Variants in AFF3 observed in about 807,000 individuals in gnomAD.
AFF3 encodes the protein AF4/FMR2 family member 3.
Under a neutral mutation model 129.7 loss-of-function variants are expected in AFF3, and 32 were observed. The ratio of observed to expected loss-of-function variants is 0.25; its 90% confidence interval spans 0.19 to 0.33. The LOEUF (loss-of-function observed/expected upper bound fraction) is 0.33, where lower values mean the gene tolerates loss of function less well. Ranked by LOEUF, AFF3 falls within the 10% of genes least tolerant of loss-of-function variation. The pLI is 1.00. For synonymous variants in AFF3, 644 were observed against 635.4 expected (o/e 1.01, Z -0.20); for missense variants, 1,373 against 1,592.0 (o/e 0.86, Z 2.34).
At chr2:100,034,224 T>TC (rs757392029) in intron 4 of AFF3, among the ~76,000 whole-genome samples, 26 of 152,184 alleles carry the variant, frequency 1.7e-4, no homozygotes, top group Non-Finnish European at 3.1e-4. Flanking sequence ...TTATTCAACT[T>TC]GTCAATCAGA....
At chr2:99,934,084 A>G (rs1411258503) in intron 7 of AFF3, among the ~76,000 whole-genome samples, 1 of 152,134 alleles carries the variant, frequency 6.6e-6, no homozygotes, top group African/African-American at 2.4e-5. Context: ...AGGAACTGAA[A>G]GGAACCTGCA....
At chr2:99,956,802 G>T (rs1047045370) in intron 7 of AFF3, among the ~76,000 whole-genome samples, 18 of 152,194 alleles carry the variant, frequency 1.2e-4, no homozygotes, top group African/African-American at 4.1e-4. Flanking sequence ...GTTTCTGAGA[G>T]AGGAACAGAA....
intron 8 of AFF3, among the ~76,000 whole-genome samples, chr2:99,786,059 C>T (rs1418012760): frequency 6.6e-6 from 1 of 152,222 alleles, no homozygotes; most frequent in Non-Finnish European, 1.5e-5. Flanking sequence ...AGTGCCTGTG[C>T]CCCATTGACA....
At chr2:100,055,661 G>T (rs1043029818) in intron 4 of AFF3, among the ~76,000 whole-genome samples, 18 of 152,094 alleles carry the variant, frequency 1.2e-4, no homozygotes, top group African/African-American at 4.3e-4. Flanking sequence ...CTGTTAAAGA[G>T]CCAGAAAGCA....
intron 8 of AFF3, among the ~76,000 whole-genome samples, chr2:99,756,433 T>C (rs940581797): frequency 6.6e-6 from 1 of 152,248 alleles, no homozygotes. Flanking sequence ...CTCTTAAGTG[T>C]AAATGTTTCC....
chr2:99,696,254 T>A (rs1164045624), intron 11 of AFF3, among the ~76,000 whole-genome samples: 1 of 152,180 alleles, frequency 6.6e-6, no homozygotes, highest in Non-Finnish European at 1.5e-5. Context: ...TTCATTAACA[T>A]AGAGCTTCAT....
At chr2:100,112,905 T>G (rs1361677512) in intron 2 of AFF3, among the ~76,000 whole-genome samples, 1 of 152,242 alleles carries the variant, frequency 6.6e-6, no homozygotes, top group Non-Finnish European at 1.5e-5. Context: ...TGATGCTTAT[T>G]ATAATTCCAT....
intron 8 of AFF3, among the ~76,000 whole-genome samples, chr2:99,790,957 G>A (rs916810729): frequency 4.6e-5 from 7 of 152,204 alleles, no homozygotes; most frequent in East Asian, 1.9e-4. Flanking sequence ...AGAATGGAAC[G>A]CTTCTCAGCA....
At chr2:99,779,605 G>A (rs1684229550) in intron 8 of AFF3, among the ~76,000 whole-genome samples, 1 of 152,116 alleles carries the variant, frequency 6.6e-6, no homozygotes, top group Non-Finnish European at 1.5e-5. Context: ...TGAAGTCTGG[G>A]CATTTAGTGA....
intron 8 of AFF3, among the ~76,000 whole-genome samples, chr2:99,776,214 C>G (rs548823051): frequency 6.6e-6 from 1 of 152,098 alleles, no homozygotes; most frequent in African/African-American, 2.4e-5. Context: ...TGGCTCCTAA[C>G]AAAGAACCAG....
At chr2:100,141,561 CCACTTTGTTATTGTAAA>C (rs1692874633) in intron 1 of AFF3, among the ~76,000 whole-genome samples, 1 of 152,192 alleles carries the variant, frequency 6.6e-6, no homozygotes, top group African/African-American at 2.4e-5. Flanking sequence ...GAGTTTACCA[CCACTTTGTTATTGTAAA>C]CACTTGACCT....
At chr2:99,713,394 G>A (rs1002073000) in intron 11 of AFF3, among the ~76,000 whole-genome samples, 9 of 150,744 alleles carry the variant, frequency 6.0e-5, no homozygotes, top group African/African-American at 2.0e-4. Flanking sequence ...TCAGCCTCCC[G>A]AGTAGCTGGG....
At chr2:99,789,799 G>A (rs1329180775) in intron 8 of AFF3, among the ~76,000 whole-genome samples, 1 of 152,196 alleles carries the variant, frequency 6.6e-6, no homozygotes, top group African/African-American at 2.4e-5. Flanking sequence ...CTTCTTAAAG[G>A]CTTTCAGGAA....
chr2:99,842,887 A>G (rs1423042275), intron 7 of AFF3, among the ~76,000 whole-genome samples: 1 of 152,254 alleles, frequency 6.6e-6, no homozygotes, highest in Non-Finnish European at 1.5e-5. Flanking sequence ...GATGGGCTGC[A>G]CAAGTCCTCA....
rs2576657 is a variant in AFF3 at position 100,081,124 on chromosome 2, G to A, written c.53+23278C>T. Among the ~76,000 whole-genome samples the A allele has an allele frequency of 4.2e-3, 634 of 151,098 alleles. 2 individuals are homozygous for A. The highest frequency in any genetic ancestry group is 0.014 in the African/African-American group (579 of 40,500). On this transcript the variant is annotated intron_variant, in intron 4 of 24. Coordinates refer to ENST00000672756, the MANE Select transcript of AFF3 (RefSeq NM_001386135.1). Reference sequence around the variant, plus strand: ...CAGGTCACTGTCCTCAGGAAGTAGGGCGACAAGGGTTAGGAATTACTCACT... The same window carrying A: ...CAGGTCACTGTCCTCAGGAAGTAGGACGACAAGGGTTAGGAATTACTCACT...
At chr2:100,030,179 A>G (rs758313501) in intron 4 of AFF3, among the ~76,000 whole-genome samples, 1 of 152,138 alleles carries the variant, frequency 6.6e-6, no homozygotes, top group Non-Finnish European at 1.5e-5. Context: ...ATTGTTTCAC[A>G]ATGATACATG....
At chr2:100,039,558 A>C (rs1407421309) in intron 4 of AFF3, among the ~76,000 whole-genome samples, 1 of 150,834 alleles carries the variant, frequency 6.6e-6, no homozygotes, top group Non-Finnish European at 1.5e-5. Flanking sequence ...ACTCCTCTCT[A>C]AAAAAAAACA....
chr2:100,107,584 C>CAA, intron 2 of AFF3: 1 of 848,100 alleles, frequency 1.2e-6, no homozygotes. Flanking sequence ...CACATGGATG[C>CAA]AAGCAACACC....
chr2:100,009,516 C>A (rs974157746), intron 4 of AFF3, among the ~76,000 whole-genome samples: 1 of 152,146 alleles, frequency 6.6e-6, no homozygotes, highest in Non-Finnish European at 1.5e-5. Flanking sequence ...ATATTTGACA[C>A]TATCACTCCT....
Sources: gnomAD v4.1 joint callset for allele counts (sites outside exome capture counted in the v4.1 genomes callset) on GRCh38, gnomAD v4.1.1 for gene constraint, MANE v1.5 for transcripts, NCBI Gene and HGNC (gene_info 2026-07-23, HGNC 2026-07-21) for gene names.